Variants in SLFN5 observed in about 807,000 individuals in gnomAD.
SLFN5 encodes the protein schlafen family member 5.
Under a neutral mutation model 48.5 loss-of-function variants are expected in SLFN5, and 34 were observed. The ratio of observed to expected loss-of-function variants is 0.70; its 90% CI spans 0.53 to 0.93. The LOEUF (loss-of-function observed/expected upper bound fraction) is 0.93, where lower values mean the gene tolerates loss of function less well. Ranked by LOEUF, SLFN5 falls within the 40% of genes least tolerant of loss-of-function variation. The pLI is 0.00. For synonymous variants in SLFN5, 387 were observed against 396.2 expected, an observed-to-expected ratio of 0.98 and a Z score of 0.28; for missense variants, 1,006 against 1,071.3, an observed-to-expected ratio of 0.94 and a Z score of 0.85.
In SLFN5 at chr17:35,259,720, A is replaced by T. The variant is rs770258713; in HGVS notation, c.1012+18A>T. The T allele has an allele frequency of 6.3e-7, 1 of 1,596,888 alleles. No homozygotes were observed. Among genetic ancestry groups the T allele is most frequent in the Non-Finnish European group, 8.5e-7 (1 of 1,177,846 alleles). ...TGACCCAGGTTAGGGAGCAATATCCACAATGGTTGTAATGTTTGCTGGCAG... is the reference window on the plus strand; with the variant it reads ...TGACCCAGGTTAGGGAGCAATATCCTCAATGGTTGTAATGTTTGCTGGCAG... On this transcript the variant is annotated intron_variant, in intron 2 of 4. Transcript: ENST00000299977.
chr17:35,244,354 G>A (rs1411074513), intron 1 of SLFN5, among the ~76,000 whole-genome samples: 1 of 152,068 alleles, frequency 6.6e-6, no homozygotes, highest in Admixed American at 6.6e-5. Flanking sequence ...GCTTGAGGGA[G>A]GATGGGGGGA....
Position 35,266,126 on chromosome 17 carries a change from A to C in SLFN5, c.*238A>C. ...AAAAAGGGATATCAGTAATTAGAGG[A>C]CCGTGAGACTCAGAGATGTGTGTGT... On this transcript the variant is annotated 3_prime_UTR_variant, in exon 5 of 5. Transcript: ENST00000299977. 6.4e-6 allele frequency: 3 copies of C among 469,598 alleles called. No homozygotes were observed. Among genetic ancestry groups the C allele is most frequent in the Non-Finnish European group, 1.1e-5 (3 of 263,382 alleles). 29.1% of individuals were successfully genotyped at this position (469,598 alleles called of 1,614,324 possible). A position where few individuals can be genotyped will look rare whatever the true frequency, so the allele number is the denominator to read the frequency against.
At chr17:35,258,462 C>T (rs562744275) in intron 1 of SLFN5, among the ~76,000 whole-genome samples, 189 bp from the exon 2 acceptor site, 31 of 152,228 alleles carry the variant, frequency 2.0e-4, no homozygotes, top group Admixed American at 5.2e-4. Context: ...TATCTCCCAC[C>T]GGCTTCCTCC....
chr17:35,258,221 AC>A (rs1001461631), intron 1 of SLFN5, among the ~76,000 whole-genome samples: 1 of 152,160 alleles, frequency 6.6e-6, no homozygotes, highest in African/African-American at 2.4e-5. Flanking sequence ...TTAAAGACAT[AC>A]CTGAGACTAA....
chr17:35,252,167 T>C (rs994349152), intron 1 of SLFN5, among the ~76,000 whole-genome samples: 2 of 152,264 alleles, frequency 1.3e-5, no homozygotes, highest in Non-Finnish European at 2.9e-5. Flanking sequence ...TGGTGGCTCA[T>C]ACCTGTAATC....
chr17:35,250,656 C>A (rs1265915979), intron 1 of SLFN5, among the ~76,000 whole-genome samples: 2 of 71,280 alleles, frequency 2.8e-5, no homozygotes, highest in Non-Finnish European at 5.6e-5. Flanking sequence ...CAAGACTCAT[C>A]TCAAAAAAAA....
rs776325003 is a variant in SLFN5, at chr17:35,265,545, G to A, written c.2333G>A (p.Arg778His). The A allele has an allele frequency of 8.7e-6, 14 of 1,614,062 alleles. No individual in the cohort carries two copies. Among genetic ancestry groups the A allele is most frequent in the South Asian group, 2.2e-5 (2 of 91,090 alleles). Residue 778 changes from arginine (R) to histidine (H), a missense_variant, in exon 5 of 5, where the codon CGT becomes CAT. By Grantham distance (29) the Arg-to-His change is conservative. Coordinates refer to ENST00000299977, the MANE Select transcript of SLFN5 (RefSeq NM_144975.4). ...CTGATCTATGTAGCGAATAAATGCC[G>A]TTTTCTCTTGCGGAATGGTTATTCT... is the stretch of plus-strand genomic sequence containing the variant. ...EILIYVANKC[R>H]FLLRNGYSPK... is the part of the protein sequence containing the mutation.
At position 35,268,383 on chromosome 17, in the gene SLFN5, A is replaced by C. The variant is rs905351691; in HGVS notation, c.*2495A>C. 6.6e-6 allele frequency: 1 copy of C among 152,270 alleles called. No homozygotes were observed. Among genetic ancestry groups the C allele is most frequent in the African/African-American group, 2.4e-5 (1 of 41,466 alleles). 9.4% of individuals were successfully genotyped at this position (152,270 alleles called of 1,614,324 possible). ...GAAATATGACATGAGCCAGATGAAG[A>C]ACCCATCCTGAAAGGATATATAACT... On this transcript the variant is annotated 3_prime_UTR_variant, in exon 5 of 5. Transcript: ENST00000299977.
At chr17:35,260,796 T>A (rs1369568965) in intron 2 of SLFN5, among the ~76,000 whole-genome samples, 175 bp from the exon 3 acceptor site, 2 of 152,162 alleles carry the variant, frequency 1.3e-5, no homozygotes, top group Non-Finnish European at 2.9e-5. Flanking sequence ...TGCTAGGTTA[T>A]TTTTTCCTTC....
chr17:35,256,129 C>T (rs750164240), intron 1 of SLFN5, among the ~76,000 whole-genome samples: 3 of 152,268 alleles, frequency 2.0e-5, no homozygotes, highest in South Asian at 2.1e-4. Context: ...GAGGCCAAGG[C>T]GGGCAGATCA....
Position 35,264,278 on chromosome 17 carries a change from C to T in SLFN5, c.1234C>T (p.Arg412Cys), listed in dbSNP as rs763472910. 1.3e-5 allele frequency: 21 copies of T among 1,613,962 alleles called. No homozygotes were observed. The highest frequency in any genetic ancestry group is 3.3e-4 in the Middle Eastern group (2 of 6,084). ...CAGAGACTTAATAAATACAGAAATG[C>T]GCCCTTTCTCTCAAGGAATATTGAT... The part of the protein sequence containing the change: ...GLRDLINTEM[R>C]PFSQGILIFS... Residue 412 changes from arginine to cysteine, a missense_variant, in exon 4 of 5, where the codon CGC (arginine) becomes TGC (cysteine). By Grantham distance (180) the Arg-to-Cys change is radical (BLOSUM62 -3). Transcript: ENST00000299977.
At chr17:35,253,483 T>A (rs1241577914) in intron 1 of SLFN5, among the ~76,000 whole-genome samples, 2 of 151,848 alleles carry the variant, frequency 1.3e-5, no homozygotes. Flanking sequence ...GAGATCCTCC[T>A]ACCTCAGCTT....
At position 35,270,569 on chromosome 17, in the gene SLFN5, G is replaced by A. The variant is rs952426860; in HGVS notation, c.*4681G>A. ...TCTCCCAGCCAGAAAGTGTTGCCCT[G>A]AGGCTGAAGCCAAATTCATTTTGCC... On this transcript the variant is annotated 3_prime_UTR_variant, in exon 5 of 5. Transcript: ENST00000299977. 57 of 152,444 alleles carry A rather than the reference G, an allele frequency of 3.7e-4. No individual in the cohort carries two copies. Among genetic ancestry groups the A allele is most frequent in the African/African-American group, 1.3e-3 (56 of 41,562 alleles). 9.4% of individuals were successfully genotyped at this position (152,444 alleles called of 1,614,324 possible).
intron 1 of SLFN5, among the ~76,000 whole-genome samples, chr17:35,250,153 G>C (rs779183812): frequency 6.6e-6 from 1 of 152,176 alleles, no homozygotes; most frequent in Non-Finnish European, 1.5e-5. Flanking sequence ...TTTTTTCCCA[G>C]TAGTGCCTAA....
chr17:35,254,094 T>A (rs1211605610), intron 1 of SLFN5, among the ~76,000 whole-genome samples: 2 of 152,234 alleles, frequency 1.3e-5, no homozygotes, highest in Non-Finnish European at 2.9e-5. Flanking sequence ...GGAGTTTATA[T>A]TATCATGACT....
At chr17:35,256,200 A>G (rs1369865358) in intron 1 of SLFN5, among the ~76,000 whole-genome samples, 1 of 152,156 alleles carries the variant, frequency 6.6e-6, no homozygotes, top group African/African-American at 2.4e-5. Context: ...CTCTACTAAA[A>G]ATACAAAAAT....
At chr17:35,263,587 C>T (rs539205235) in intron 3 of SLFN5, among the ~76,000 whole-genome samples, 61 of 152,010 alleles carry the variant, frequency 4.0e-4, no homozygotes, top group Non-Finnish European at 7.7e-4. Flanking sequence ...CTTTGGGAGG[C>T]CCAGGCGGGC....
chr17:35,271,607 C>T lies in SLFN5; in HGVS notation c.*5719C>T, dbSNP rs1168791608. 1 of 152,122 alleles carries T rather than the reference C, an allele frequency of 6.6e-6. No individual in the cohort carries two copies. The highest frequency in any genetic ancestry group is 2.4e-5 in the African/African-American group (1 of 41,422). 9.4% of individuals were successfully genotyped at this position (152,122 alleles called of 1,614,324 possible). On this transcript the variant is annotated 3_prime_UTR_variant, in exon 5 of 5. Coordinates refer to ENST00000299977, the MANE Select transcript of SLFN5 (RefSeq NM_144975.4). ...AAAAAGAACTTAAACAGATAAAAAG[C>T]AGACCACGTTTTTGGATAAGAAGAT...
At position 35,258,816 on chromosome 17, in the gene SLFN5, C is replaced by T. The variant is rs1435974435; in HGVS notation, c.126C>T (p.Ile42=). 6.2e-7 allele frequency: 1 copy of T among 1,614,124 alleles called. No individual in the cohort carries two copies. The highest frequency in any genetic ancestry group is 8.5e-7 in the Non-Finnish European group (1 of 1,180,028). The change falls in exon 2 of 5, where the codon ATC becomes ATT. Residue 42 remains isoleucine, a synonymous_variant. Transcript: ENST00000299977. ...DPRLREKQNE[I]ILRAVCALLN... ...GCCTGCGGGAGAAACAGAATGAAAT[C>T]ATCCTGCGAGCAGTATGTGCTCTGC...
Sources: gnomAD v4.1 joint callset for allele counts (sites outside exome capture counted in the v4.1 genomes callset) on GRCh38, gnomAD v4.1.1 for gene constraint, MANE v1.5 for transcripts, NCBI Gene and HGNC (gene_info 2026-07-23, HGNC 2026-07-21) for gene names.